Variants in AFG2A observed in about 807,000 individuals in gnomAD.
The protein encoded by AFG2A is ATPase family gene 2 protein homolog A.
chr4:123,171,475 G>T, the AFG2A span, among the ~76,000 whole-genome samples: 1 of 152,074 alleles, frequency 6.6e-6, no homozygotes, highest in Non-Finnish European at 1.5e-5. Context: ...TACACTTCCA[G>T]GGAGAGAGGA....
At chr4:123,027,131 CT>C in the AFG2A span, among the ~76,000 whole-genome samples, 2 of 150,730 alleles carry the variant, frequency 1.3e-5, no homozygotes, top group African/African-American at 4.9e-5. Flanking sequence ...GTTTTTTTTT[CT>C]GATATTTATG....
chr4:123,282,539 G>A, the AFG2A span, among the ~76,000 whole-genome samples: 1 of 152,192 alleles, frequency 6.6e-6, no homozygotes, highest in Non-Finnish European at 1.5e-5. Flanking sequence ...AACTCTGGAA[G>A]TATCAATTCG....
chr4:123,162,152 T>C, the AFG2A span, among the ~76,000 whole-genome samples: 1 of 152,198 alleles, frequency 6.6e-6, no homozygotes, highest in African/African-American at 2.4e-5. Flanking sequence ...TAAAAGTGGA[T>C]TGTGTCCGGA....
the AFG2A span, chr4:123,318,760 TAAAA>T: frequency 5.3e-3 from 774 of 146,966 alleles, 6 homozygotes; most frequent in Middle Eastern, 0.017. Flanking sequence ...TCCTATCTCT[TAAAA>T]AAAAAAAAAA....
At chr4:122,961,439 A>C in the AFG2A span, among the ~76,000 whole-genome samples, 2 of 152,198 alleles carry the variant, frequency 1.3e-5, no homozygotes, top group African/African-American at 4.8e-5. Flanking sequence ...AATCAGTAAA[A>C]ATCTTGCCCG....
the AFG2A span, among the ~76,000 whole-genome samples, chr4:123,226,305 T>A: frequency 0.021 from 3,176 of 152,270 alleles, 101 homozygotes; most frequent in African/African-American, 0.072. Flanking sequence ...TCAAAGGGAA[T>A]GCTTCCAGTT....
the AFG2A span, among the ~76,000 whole-genome samples, chr4:122,933,011 C>G: frequency 6.6e-6 from 1 of 152,160 alleles, no homozygotes; most frequent in Non-Finnish European, 1.5e-5. Context: ...GATTTTTCAT[C>G]AGATTCTTTG....
chr4:123,087,067 G>A, the AFG2A span, among the ~76,000 whole-genome samples: 1 of 152,114 alleles, frequency 6.6e-6, no homozygotes, highest in Non-Finnish European at 1.5e-5. Context: ...CTTTGCTTTT[G>A]ATGTGTACTC....
chr4:123,231,510 C>T, the AFG2A span, among the ~76,000 whole-genome samples: 1 of 152,016 alleles, frequency 6.6e-6, no homozygotes, highest in Admixed American at 6.6e-5. Context: ...TTATCCAGAT[C>T]ACTCGAAGTT....
chr4:123,166,604 A>G, the AFG2A span, among the ~76,000 whole-genome samples: 1 of 152,168 alleles, frequency 6.6e-6, no homozygotes, highest in South Asian at 2.1e-4. Flanking sequence ...TGGTTAGGGA[A>G]CTTGTTTGGA....
chr4:123,259,016 A>ATG, the AFG2A span, among the ~76,000 whole-genome samples: 2 of 151,398 alleles, frequency 1.3e-5, no homozygotes, highest in Non-Finnish European at 2.9e-5. Flanking sequence ...ACAGGCACCC[A>ATG]CCACCACGCC....
chr4:123,141,258 C>T, the AFG2A span, among the ~76,000 whole-genome samples: 2 of 152,152 alleles, frequency 1.3e-5, no homozygotes, highest in African/African-American at 4.8e-5. Context: ...CCCAGTTGTT[C>T]TGGGTGCTTT....
the AFG2A span, among the ~76,000 whole-genome samples, chr4:122,929,460 G>A: frequency 6.6e-5 from 10 of 152,128 alleles, no homozygotes; most frequent in Admixed American, 4.6e-4. Flanking sequence ...TTGGGAGGCC[G>A]AGGTGAGTGG....
At chr4:123,312,417 A>G in the AFG2A span, among the ~76,000 whole-genome samples, 1 of 152,178 alleles carries the variant, frequency 6.6e-6, no homozygotes, top group African/African-American at 2.4e-5. Flanking sequence ...TCCAGATGAA[A>G]GAAGTGCTGC....
chr4:122,967,126 G>A, the AFG2A span, among the ~76,000 whole-genome samples: 14 of 152,218 alleles, frequency 9.2e-5, no homozygotes, highest in African/African-American at 3.1e-4. Context: ...AAACCAGTTC[G>A]GTGCAGTGGC....
chr4:123,100,277 T>C, the AFG2A span, among the ~76,000 whole-genome samples: 1 of 151,918 alleles, frequency 6.6e-6, no homozygotes, highest in African/African-American at 2.4e-5. Context: ...AACAAGCAGC[T>C]GTTTGTCTCC....
the AFG2A span, among the ~76,000 whole-genome samples, chr4:123,253,782 G>A: frequency 6.6e-6 from 1 of 152,110 alleles, no homozygotes; most frequent in Non-Finnish European, 1.5e-5. Flanking sequence ...TTCTTAAGAA[G>A]CTGACAAATA....
the AFG2A span, among the ~76,000 whole-genome samples, chr4:123,162,405 G>C: frequency 6.6e-6 from 1 of 152,104 alleles, no homozygotes; most frequent in Non-Finnish European, 1.5e-5. Flanking sequence ...GAGTACATGA[G>C]TATGTTGGAA....
the AFG2A span, among the ~76,000 whole-genome samples, chr4:123,308,629 C>T: frequency 2.0e-5 from 3 of 152,282 alleles, no homozygotes; most frequent in Admixed American, 6.5e-5. Flanking sequence ...CGCACTCCTC[C>T]GCCCCCTGTC....
Sources: allele counts gnomAD v4.1 joint callset (sites outside exome capture counted in the v4.1 genomes callset), GRCh38; gene constraint gnomAD v4.1.1; transcripts MANE v1.5; gene names NCBI Gene and HGNC (gene_info 2026-07-23, HGNC 2026-07-21).